PCSK2: variants seen among roughly 807,000 people sequenced by gnomAD.
PCSK2 encodes proprotein convertase subtilisin/kexin type 2, also known as neuroendocrine convertase 2.
A neutral mutation model predicts 69.7 loss-of-function variants in PCSK2; 14 were observed. The ratio of observed to expected loss-of-function variants is 0.20; its 90% CI spans 0.13 to 0.31. The LOEUF (loss-of-function observed/expected upper bound fraction) is 0.31, where lower values mean the gene tolerates loss of function less well. Among genes scored for constraint, PCSK2 ranks in the 10% least tolerant of loss-of-function variants. PCSK2 has a pLI of 1.00. For synonymous variants in PCSK2, 307 were observed against 320.7 expected, an observed-to-expected ratio of 0.96 and a Z score of 0.46; for missense variants, 544 against 842.5, an observed-to-expected ratio of 0.65 and a Z score of 4.39.
chr20:17,228,717 C>T (rs1986027201), intron 1 of PCSK2, among the ~76,000 whole-genome samples: 1 of 152,204 alleles, frequency 6.6e-6, no homozygotes, highest in Admixed American at 6.5e-5. Flanking sequence ...TCCCGCCTCT[C>T]TCCCAGCCAC....
intron 4 of PCSK2, among the ~76,000 whole-genome samples, chr20:17,362,129 T>C (rs900120229): frequency 3.9e-4 from 59 of 152,372 alleles, no homozygotes; most frequent in Admixed American, 3.3e-4. Flanking sequence ...CATTTCAGAA[T>C]ACTTTAACTG....
At chr20:17,238,078 T>C (rs1478312909) in intron 1 of PCSK2, among the ~76,000 whole-genome samples, 1 of 152,146 alleles carries the variant, frequency 6.6e-6, no homozygotes. Flanking sequence ...TGGTAAGGCC[T>C]ATCCAAGAGG....
intron 2 of PCSK2, among the ~76,000 whole-genome samples, chr20:17,329,641 C>T (rs1369038906): frequency 1.3e-5 from 2 of 152,154 alleles, no homozygotes; most frequent in Non-Finnish European, 2.9e-5. Flanking sequence ...ATATCTTTAA[C>T]AATTGACAAA....
chr20:17,300,950 T>C (rs1186671065), intron 2 of PCSK2, among the ~76,000 whole-genome samples: 1 of 152,196 alleles, frequency 6.6e-6, no homozygotes, highest in Non-Finnish European at 1.5e-5. Flanking sequence ...CCTTAATCAA[T>C]GCTAATTGAG....
In PCSK2 at chr20:17,395,999, T is replaced by G. The variant is rs1013860890; in HGVS notation, c.544-13264T>G. ...GGACTCAAAGGTAGTGGCCTCAACC[T>G]CGCCAGCCATTCAAAGGCAAGCAGA... On this transcript the variant is annotated intron_variant, in intron 5 of 11. Transcript: ENST00000262545. Among the ~76,000 whole-genome samples, 23 of 152,198 alleles carry G rather than the reference T, an allele frequency of 1.5e-4. No individual in the cohort carries two copies. The South Asian group carries it at 4.6e-3, about 30-fold the overall frequency.
chr20:17,291,306 A>G (rs1392699437), intron 2 of PCSK2, among the ~76,000 whole-genome samples: 2 of 152,164 alleles, frequency 1.3e-5, no homozygotes, highest in East Asian at 1.9e-4. Flanking sequence ...GCAGCACACT[A>G]TAAACACCAT....
At chr20:17,445,799 C>T (rs893561020) in intron 8 of PCSK2, among the ~76,000 whole-genome samples, 7 of 152,254 alleles carry the variant, frequency 4.6e-5, no homozygotes, top group African/African-American at 1.4e-4. Flanking sequence ...CGCAACTGAG[C>T]AGAACTGCTG....
At chr20:17,370,543 A>G (rs756341568) in intron 5 of PCSK2, among the ~76,000 whole-genome samples, 1 of 152,232 alleles carries the variant, frequency 6.6e-6, no homozygotes, top group Admixed American at 6.5e-5. Context: ...AACCAAAGCT[A>G]TATTCCCAGC....
intron 11 of PCSK2, among the ~76,000 whole-genome samples, chr20:17,478,018 G>C (rs2033322167): frequency 6.6e-6 from 1 of 152,068 alleles, no homozygotes; most frequent in African/African-American, 2.4e-5. Context: ...TGTAATTAAA[G>C]CAATGACAAA....
intron 11 of PCSK2, among the ~76,000 whole-genome samples, chr20:17,477,837 G>C (rs900641013): frequency 3.9e-5 from 6 of 152,078 alleles, no homozygotes; most frequent in African/African-American, 1.4e-4. Context: ...GATTGACTTC[G>C]CATTTGGTGG....
rs186222077 is a variant in PCSK2 at position 17,378,503 on chromosome 20, A to G, written c.543+9226A>G. ...GTAATGTCTTCCAACTCTTTTACTCATGAGAGAATGAACCAGCGGCCTCAT... is the reference window on the plus strand; with the variant it reads ...GTAATGTCTTCCAACTCTTTTACTCGTGAGAGAATGAACCAGCGGCCTCAT... On this transcript the variant is annotated intron_variant, in intron 5 of 11. Transcript: ENST00000262545. 1.0e-3 allele frequency among the ~76,000 whole-genome samples: 156 copies of G among 152,308 alleles called. 1 individual carries two copies. The highest frequency in any genetic ancestry group is 9.7e-3 in the Admixed American group (149 of 15,304).
chr20:17,339,594 G>T (rs1990451214), intron 2 of PCSK2, among the ~76,000 whole-genome samples: 1 of 152,114 alleles, frequency 6.6e-6, no homozygotes, highest in Admixed American at 6.5e-5. Flanking sequence ...GCTAAATACA[G>T]ATCTCATGTT....
At chr20:17,372,388 TAAA>T (rs2123236033) in intron 5 of PCSK2, among the ~76,000 whole-genome samples, 1 of 67,422 alleles carries the variant, frequency 1.5e-5, no homozygotes, top group African/African-American at 5.2e-5. Flanking sequence ...TGAAAAATAA[TAAA>T]TAAATAAATA....
intron 11 of PCSK2, among the ~76,000 whole-genome samples, chr20:17,468,358 T>G (rs1026763608): frequency 4.6e-4 from 58 of 124,800 alleles, no homozygotes; most frequent in African/African-American, 1.8e-3. Flanking sequence ...AGCGTCCTGT[T>G]GTAGACAGGC....
chr20:17,291,470 C>A (rs1368822924), intron 2 of PCSK2, among the ~76,000 whole-genome samples: 2 of 152,114 alleles, frequency 1.3e-5, no homozygotes, highest in East Asian at 3.9e-4. Context: ...TGTTACTTAA[C>A]ATTTGGGTTC....
intron 6 of PCSK2, among the ~76,000 whole-genome samples, chr20:17,409,594 G>C (rs1464017572): frequency 2.6e-5 from 4 of 152,188 alleles, no homozygotes. Flanking sequence ...AAAGAGAAAA[G>C]AAAATAGAAA....
chr20:17,278,023 C>A (rs1316097174), intron 2 of PCSK2, among the ~76,000 whole-genome samples: 1 of 152,016 alleles, frequency 6.6e-6, no homozygotes, highest in Admixed American at 6.6e-5. Flanking sequence ...CAATGAGATA[C>A]CATCTCACAC....
At chr20:17,238,117 T>C (rs1986413413) in intron 1 of PCSK2, among the ~76,000 whole-genome samples, 1 of 152,160 alleles carries the variant, frequency 6.6e-6, no homozygotes, top group Non-Finnish European at 1.5e-5. Context: ...ACATGTCTGC[T>C]ACAGGAAAAA....
chr20:17,344,330 G>T (rs1401144871), intron 2 of PCSK2, among the ~76,000 whole-genome samples: 1 of 152,032 alleles, frequency 6.6e-6, no homozygotes, highest in East Asian at 1.9e-4. Context: ...AAATATTTCA[G>T]ACATATGCCA....
Sources: allele counts gnomAD v4.1 joint callset (sites outside exome capture counted in the v4.1 genomes callset), GRCh38; gene constraint gnomAD v4.1.1; transcripts MANE v1.5; gene names NCBI Gene and HGNC (gene_info 2026-07-23, HGNC 2026-07-21).